FAM184A: variants seen among roughly 807,000 people sequenced by gnomAD.
The protein encoded by FAM184A is family with sequence similarity 184 member A, also known as protein FAM184A.
A neutral mutation model predicts 143.8 loss-of-function variants in FAM184A; 99 were observed. The ratio of observed to expected loss-of-function variants is 0.69; its 90% CI spans 0.58 to 0.81. The LOEUF (loss-of-function observed/expected upper bound fraction) is 0.81, where lower values mean the gene tolerates loss of function less well. Among genes scored for constraint, FAM184A ranks in the 40% least tolerant of loss-of-function variants. The pLI is 0.00. For missense variants in FAM184A, 1,217 were observed against 1,310.5 expected, an observed-to-expected ratio of 0.93 and a Z score of 1.10; for synonymous variants, 427 against 446.4, an observed-to-expected ratio of 0.96 and a Z score of 0.55.
intron 1 of FAM184A, among the ~76,000 whole-genome samples, chr6:119,133,103 A>G (rs1262935013): frequency 2.6e-5 from 4 of 152,208 alleles, no homozygotes; most frequent in African/African-American, 7.2e-5. Context: ...TGTGGGATCA[A>G]TGAGGTAAAC....
At chr6:119,132,370 T>A (rs560794843) in intron 1 of FAM184A, among the ~76,000 whole-genome samples, 1 of 152,296 alleles carries the variant, frequency 6.6e-6, no homozygotes, top group Admixed American at 6.5e-5. Context: ...TGGCAGCAAA[T>A]CGTGGTAAAT....
intron 2 of FAM184A, among the ~76,000 whole-genome samples, chr6:119,023,570 A>G (rs1785527667): frequency 9.5e-6 from 1 of 105,310 alleles, no homozygotes; most frequent in South Asian, 4.1e-4. Context: ...CCCCCCCAGG[A>G]ACAGCGTATT....
chr6:119,023,006 A>G lies in FAM184A; in HGVS notation c.1089T>C (p.Ser363=). 1 of 1,614,176 alleles carries G rather than the reference A, an allele frequency of 6.2e-7. No individual in the cohort carries two copies. Among genetic ancestry groups the G allele is most frequent in the Non-Finnish European group, 8.5e-7 (1 of 1,180,030 alleles). ...AACGTTCTCTGGCAGCTGCTAGCTC[A>G]CTTTCCACTTCTTTGTGCTTGCTTA... ...ALLSKHKEVE[S]ELAAARERLQ... Residue 363 remains serine (S), a synonymous_variant, in exon 3 of 18, where the codon AGT becomes AGC. Transcript: ENST00000338891.
chr6:119,035,925 A>T (rs1314049265), intron 1 of FAM184A, among the ~76,000 whole-genome samples: 1 of 152,180 alleles, frequency 6.6e-6, no homozygotes, highest in African/African-American at 2.4e-5. Context: ...CCTTGGGCAT[A>T]TGTTCTCAGG....
intron 1 of FAM184A, among the ~76,000 whole-genome samples, chr6:119,076,002 T>C (rs2114797195): frequency 6.6e-6 from 1 of 152,314 alleles, no homozygotes; most frequent in East Asian, 1.9e-4. Context: ...TCCCTTGATA[T>C]TTCAGTATAT....
In FAM184A at chr6:119,078,181, A is replaced by G. The variant is rs1313388604; in HGVS notation, c.119T>C (p.Met40Thr). ...GATTTTCTTGCTCATTTTCAGGTGC[A>G]TCTCCTGGCTGTAGTCCATGCTGTG... Reference protein sequence around the residue: ...AGHSMDYSQEMHLKMSKKIAQ... With the variant: ...AGHSMDYSQETHLKMSKKIAQ... Residue 40 changes from methionine (M) to threonine (T), a missense_variant, in exon 1 of 18, where the codon ATG (methionine) becomes ACG (threonine). By Grantham distance (81) the Met-to-Thr change is moderately conservative. Transcript: ENST00000338891. The surrounding 1 kb of genome is among the most constrained non-coding windows in gnomAD (Gnocchi z 5.5). The G allele has an allele frequency of 3.8e-6, 6 of 1,591,598 alleles. No individual in the cohort carries two copies. The highest frequency in any genetic ancestry group is 5.1e-6 in the Non-Finnish European group (6 of 1,171,014).
chr6:119,003,666 A>C, intron 7 of FAM184A, 44 bp from the exon 8 acceptor site: 1 of 1,556,896 alleles, frequency 6.4e-7, no homozygotes, highest in Non-Finnish European at 8.7e-7. Context: ...CTTCAAAAAC[A>C]AACACTGCTG....
chr6:119,046,313 T>A (rs1455856620), intron 1 of FAM184A, among the ~76,000 whole-genome samples: 2 of 151,326 alleles, frequency 1.3e-5, no homozygotes, highest in African/African-American at 2.4e-5. Flanking sequence ...AATCTCTGCC[T>A]CCTGGGTTCA....
upstream of FAM184A, chr6:119,078,754 C>G (rs1480417504): frequency 6.5e-6 from 1 of 152,858 alleles, no homozygotes; most frequent in Non-Finnish European, 1.5e-5. The surrounding 1 kb of genome is among the most constrained non-coding windows in gnomAD (Gnocchi z 5.5). Flanking sequence ...AGGGCGCGCG[C>G]GGGGACGGCG....
At chr6:119,081,545 G>A (rs1302105179), upstream of FAM184A, among the ~76,000 whole-genome samples, 2 of 152,198 alleles carry the variant, frequency 1.3e-5, no homozygotes, top group Non-Finnish European at 2.9e-5. Context: ...AGTTCAATTA[G>A]ACCCCTGCCT....
intron 1 of FAM184A, among the ~76,000 whole-genome samples, chr6:119,050,767 T>TGCAGTCC (rs1052002696): frequency 6.0e-5 from 9 of 149,748 alleles, no homozygotes; most frequent in Non-Finnish European, 1.2e-4. Context: ...ATTGCGCCAC[T>TGCAGTCC]GCAGTCCGCA....
At position 119,071,200 on chromosome 6, in the gene FAM184A, G is replaced by A. The variant is rs1787673646; in HGVS notation, c.159+6941C>T. ...ACACTTTTTAAGACTGGTGATTAGAGGCTAGCAAAGGATTTTCATAAACTA... is the reference window on the plus strand; with the variant it reads ...ACACTTTTTAAGACTGGTGATTAGAAGCTAGCAAAGGATTTTCATAAACTA... On this transcript the variant is annotated intron_variant, in intron 1 of 17. Coordinates refer to ENST00000338891, the MANE Select transcript of FAM184A (RefSeq NM_024581.6). Among the ~76,000 whole-genome samples, 3 of 152,090 alleles carry A rather than the reference G, an allele frequency of 2.0e-5. No homozygotes were observed. The South Asian group carries it at 6.2e-4, about 32-fold the overall frequency.
chr6:119,054,464 A>C (rs940320150), intron 1 of FAM184A, among the ~76,000 whole-genome samples: 2 of 152,132 alleles, frequency 1.3e-5, no homozygotes, highest in African/African-American at 4.8e-5. Context: ...AGTGGCAAAT[A>C]AGCTCCCTTG....
intron 1 of FAM184A, among the ~76,000 whole-genome samples, chr6:119,090,525 C>T (rs1490597699): frequency 6.6e-6 from 1 of 152,198 alleles, no homozygotes; most frequent in Admixed American, 6.5e-5. Flanking sequence ...CACAAGACAT[C>T]AAAAGTATCT....
At chr6:119,071,002 A>G (rs1041047534) in intron 1 of FAM184A, among the ~76,000 whole-genome samples, 1 of 152,088 alleles carries the variant, frequency 6.6e-6, no homozygotes, top group African/African-American at 2.4e-5. Context: ...ATTTTCTTCC[A>G]CAAACTAATT....
Position 119,084,093 on chromosome 6 carries a change from A to AGAGAG in FAM184A, c.-201-59281_-201-59280insCTCTC, listed in dbSNP as rs1554195094. 4.0e-4 allele frequency among the ~76,000 whole-genome samples: 61 copies of AGAGAG among 151,522 alleles called. No individual in the cohort carries two copies. The East Asian group carries it at 0.012, about 29-fold the overall frequency. On this transcript the variant is annotated intron_variant, in intron 1 of 16. Transcript: ENST00000352896. ...TTGTGGCAGGAGAGAGAGAGAGAGA[A>AGAGAG]AGAGAGAGAGAAAGCAAAGGGGGAG... is the stretch of plus-strand genomic sequence containing the variant.
chr6:118,984,015 T>C (rs889750574), intron 9 of FAM184A, among the ~76,000 whole-genome samples: 2 of 150,324 alleles, frequency 1.3e-5, no homozygotes, highest in African/African-American at 4.9e-5. Context: ...CCGGGAGTGG[T>C]GGCGGGCGCC....
intron 1 of FAM184A, among the ~76,000 whole-genome samples, chr6:119,076,238 G>A (rs1035001264): frequency 1.2e-4 from 18 of 152,188 alleles, no homozygotes; most frequent in South Asian, 4.1e-4. Context: ...TGTCAATAGC[G>A]TGACACTGAG....
chr6:119,056,244 G>A (rs760614965), intron 1 of FAM184A, among the ~76,000 whole-genome samples: 6 of 152,142 alleles, frequency 3.9e-5, no homozygotes, highest in Non-Finnish European at 8.8e-5. Context: ...TTAAGATAGG[G>A]TCAGACAGAA....
Sources: gnomAD v4.1 joint callset for allele counts (sites outside exome capture counted in the v4.1 genomes callset) on GRCh38, gnomAD v4.1.1 for gene constraint, Gnocchi (gnomAD v3.1) non-coding constraint, MANE v1.5 for transcripts, NCBI Gene and HGNC (gene_info 2026-07-23, HGNC 2026-07-21) for gene names.